The following PREX2 variants were observed in gnomAD, a reference collection of about 807,000 sequenced individuals.
PREX2 encodes phosphatidylinositol 3,4,5-trisphosphate-dependent Rac exchanger 2 protein.
Under a neutral mutation model 203.2 loss-of-function variants are expected in PREX2, and 107 were observed. The observed-to-expected ratio is 0.53, with a 90% CI of 0.45 to 0.62. The LOEUF (loss-of-function observed/expected upper bound fraction) is 0.62, where lower values mean the gene tolerates loss of function less well. Among genes scored for constraint, PREX2 ranks in the 20% least tolerant of loss-of-function variants. PREX2 has a pLI of 0.00. For missense variants in PREX2, 1,777 were observed against 1,955.9 expected (o/e 0.91, Z 1.72); for synonymous variants, 672 against 663.6 (o/e 1.01, Z -0.19).
chr8:67,981,344 G>A (rs1224815135), intron 1 of PREX2, among the ~76,000 whole-genome samples: 1 of 152,186 alleles, frequency 6.6e-6, no homozygotes, highest in Admixed American at 6.6e-5. Context: ...GAAAAGAATG[G>A]CCAGAGGAAG....
chr8:68,111,255 T>C (rs898586452), intron 25 of PREX2, among the ~76,000 whole-genome samples: 4 of 152,174 alleles, frequency 2.6e-5, no homozygotes. Context: ...AGAGTTGTTA[T>C]TGCTATTTTG....
intron 1 of PREX2, among the ~76,000 whole-genome samples, chr8:68,003,046 A>G (rs1456040357): frequency 6.6e-6 from 1 of 152,210 alleles, no homozygotes; most frequent in African/African-American, 2.4e-5. Context: ...GACAGTTTCA[A>G]GGGAGATTTT....
chr8:68,195,010 C>T (rs1286068832), intron 37 of PREX2, among the ~76,000 whole-genome samples: 1 of 152,120 alleles, frequency 6.6e-6, no homozygotes, highest in African/African-American at 2.4e-5. Context: ...TCATAGTTAT[C>T]AGAGGTCTGG....
chr8:68,214,006 C>G (rs1160431547), intron 37 of PREX2, among the ~76,000 whole-genome samples: 1 of 152,030 alleles, frequency 6.6e-6, no homozygotes, highest in Admixed American at 6.6e-5. Context: ...AATTGAAGGC[C>G]TATATTTTCC....
At chr8:67,999,617 T>C (rs1370748686) in intron 1 of PREX2, among the ~76,000 whole-genome samples, 1 of 152,060 alleles carries the variant, frequency 6.6e-6, no homozygotes, top group African/African-American at 2.4e-5. Context: ...ACTCATTCTA[T>C]GAGGCCAGCA....
At chr8:68,012,520 T>G (rs988279536) in intron 1 of PREX2, among the ~76,000 whole-genome samples, 5 of 152,224 alleles carry the variant, frequency 3.3e-5, no homozygotes. Context: ...ACATGCTGTT[T>G]GGGAATCACT....
chr8:68,217,788 A>G, intron 38 of PREX2, 70 bp downstream of exon 38: 1 of 1,178,362 alleles, frequency 8.5e-7, no homozygotes, highest in East Asian at 2.5e-5. Context: ...TTGTTCATTT[A>G]TCAGGGGTTT....
intron 23 of PREX2, among the ~76,000 whole-genome samples, chr8:68,101,052 A>G (rs1307574430): frequency 6.6e-6 from 1 of 152,212 alleles, no homozygotes; most frequent in Non-Finnish European, 1.5e-5. Flanking sequence ...ATTTATACCA[A>G]TAGAAGACTA....
At chr8:68,114,534 A>G (rs893954392) in intron 25 of PREX2, among the ~76,000 whole-genome samples, 1 of 152,116 alleles carries the variant, frequency 6.6e-6, no homozygotes, top group Non-Finnish European at 1.5e-5. Flanking sequence ...ATTTTTGCCT[A>G]ATTTTGAGTT....
At chr8:68,156,317 G>A (rs1458652818) in intron 34 of PREX2, among the ~76,000 whole-genome samples, 1 of 152,132 alleles carries the variant, frequency 6.6e-6, no homozygotes, top group Non-Finnish European at 1.5e-5. Context: ...CACCAGCCTT[G>A]GCTCTCAAAG....
At chr8:67,994,580 C>G (rs1365603458) in intron 1 of PREX2, among the ~76,000 whole-genome samples, 1 of 152,068 alleles carries the variant, frequency 6.6e-6, no homozygotes, top group Admixed American at 6.6e-5. Flanking sequence ...AAAATGAATT[C>G]ATAAAAGAAC....
At chr8:68,178,999 A>T (rs949926220) in intron 35 of PREX2, among the ~76,000 whole-genome samples, 9 of 152,174 alleles carry the variant, frequency 5.9e-5, no homozygotes, top group Admixed American at 3.9e-4. Context: ...TTAAATAAAG[A>T]TGGCTACTTA....
intron 1 of PREX2, among the ~76,000 whole-genome samples, chr8:67,962,089 G>T (rs1490421522): frequency 1.3e-5 from 2 of 152,188 alleles, no homozygotes; most frequent in African/African-American, 4.8e-5. Context: ...TTCTCGGAAA[G>T]AGTCAAATAT....
chr8:68,098,629 T>C (rs1337854451), intron 22 of PREX2, among the ~76,000 whole-genome samples: 1 of 152,048 alleles, frequency 6.6e-6, no homozygotes, highest in East Asian at 1.9e-4. Context: ...GATTATTCTA[T>C]ATATGACAGC....
At chr8:68,089,764 G>C (rs1809811277) in intron 19 of PREX2, among the ~76,000 whole-genome samples, 1 of 152,128 alleles carries the variant, frequency 6.6e-6, no homozygotes, top group Non-Finnish European at 1.5e-5. Context: ...AGAGACATTG[G>C]TCACAAAAGA....
At position 68,120,965 on chromosome 8, in the gene PREX2, C is replaced by T. The variant is rs142746775; in HGVS notation, c.3640C>T (p.Leu1214=). ...ACCAAAGCTGAGTTGTCCAAAAAGG[C>T]TACGGCTTCATATCAAGCAAGATCC... is the stretch of plus-strand genomic sequence containing the variant. ...MEPKLSCPKR[L]RLHIKQDPWN... The change falls in exon 30 of 40, where the codon CTA becomes TTA. Residue 1214 remains leucine (L), a synonymous_variant. Transcript: ENST00000288368. 5.9e-4 allele frequency: 944 copies of T among 1,613,632 alleles called. 8 individuals carry two copies. Among genetic ancestry groups the T allele is most frequent in the South Asian group, 3.3e-3 (297 of 91,050 alleles).
chr8:68,127,248 G>A (rs1810910577), intron 30 of PREX2, 130 bp from the exon 31 acceptor site: 1 of 620,002 alleles, frequency 1.6e-6, no homozygotes. Flanking sequence ...TGAAAGTAAT[G>A]GCAAAACCAC....
intron 21 of PREX2, among the ~76,000 whole-genome samples, chr8:68,094,211 T>C (rs569285556): frequency 6.6e-6 from 1 of 152,360 alleles, no homozygotes; most frequent in Admixed American, 6.5e-5. Flanking sequence ...ACCCCAGATC[T>C]ACTGAGTCAG....
At chr8:68,045,678 G>A (rs140294248) in intron 8 of PREX2, among the ~76,000 whole-genome samples, 243 of 152,218 alleles carry the variant, frequency 1.6e-3, no homozygotes, top group African/African-American at 5.6e-3. Flanking sequence ...TGTTCATCCA[G>A]TAGAGAGGTT....
Sources: gnomAD v4.1 joint callset for allele counts (sites outside exome capture counted in the v4.1 genomes callset) on GRCh38, gnomAD v4.1.1 for gene constraint, MANE v1.5 for transcripts, NCBI Gene and HGNC (gene_info 2026-07-23, HGNC 2026-07-21) for gene names.